FAM124A: variants seen among roughly 807,000 people sequenced by gnomAD.
FAM124A encodes family with sequence similarity 124 member A.
FAM124A carries 23 observed loss-of-function variants against 24.5 expected under a neutral mutation model. The observed-to-expected ratio is 0.94, with a 90% confidence interval of 0.68 to 1.33. The LOEUF (loss-of-function observed/expected upper bound fraction) is 1.33. FAM124A is among the 40% of genes most tolerant of loss of function. The probability of loss-of-function intolerance (pLI) is 0.00; values close to 1 mark genes in which losing one functional copy is unlikely to be tolerated. For synonymous variants in FAM124A, 287 were observed against 314.7 expected (o/e 0.91, Z 0.93); for missense variants, 623 against 722.8 (o/e 0.86, Z 1.58).
chr13:51,259,402 C>CCT (rs142077745), intron 3 of FAM124A, among the ~76,000 whole-genome samples: 6,876 of 152,108 alleles, frequency 0.045, 223 homozygotes, highest in East Asian at 0.16. Context: ...TGACCTCCTG[C>CCT]CTCTCCCCTC....
At chr13:51,242,874 C>G (rs1010497656) in intron 2 of FAM124A, among the ~76,000 whole-genome samples, 1 of 152,010 alleles carries the variant, frequency 6.6e-6, no homozygotes, top group African/African-American at 2.4e-5. Flanking sequence ...AGAGGGCGGT[C>G]GAATAACTGT....
rs995778810 is a variant in FAM124A, at chr13:51,282,535, G to A, written c.*1279G>A. 3 of 152,206 alleles carry A rather than the reference G, an allele frequency of 2.0e-5. No homozygotes were observed. The highest frequency in any genetic ancestry group is 7.2e-5 in the African/African-American group (3 of 41,438). The allele number at this position is 152,206 out of a possible 1,614,324, so 9.4% of individuals were successfully genotyped here. A position where few individuals can be genotyped will look rare whatever the true frequency, so the allele number is the denominator to read the frequency against. ...AGCAATGCCAAAGGCTGGCATCGGG[G>A]GCAGTGCCAAGCTGTCCCTGGATAC... On this transcript the variant is annotated 3_prime_UTR_variant, in exon 4 of 4. Coordinates refer to ENST00000322475, the MANE Select transcript of FAM124A (RefSeq NM_001242312.2).
chr13:51,245,944 C>T (rs1319777346), intron 2 of FAM124A, among the ~76,000 whole-genome samples: 1 of 152,164 alleles, frequency 6.6e-6, no homozygotes, highest in Non-Finnish European at 1.5e-5. Flanking sequence ...AACAAATGCC[C>T]AGGCTAATAG....
At chr13:51,245,710 A>C (rs1954551202) in intron 2 of FAM124A, among the ~76,000 whole-genome samples, 1 of 152,236 alleles carries the variant, frequency 6.6e-6, no homozygotes. Context: ...GCTGTTCTCC[A>C]GGCAAATGGT....
intron 2 of FAM124A, among the ~76,000 whole-genome samples, chr13:51,247,845 C>T (rs575485200): frequency 2.0e-5 from 3 of 152,250 alleles, no homozygotes; most frequent in East Asian, 1.9e-4. Context: ...AAAATTTCAT[C>T]GCAGCTTTAC....
At chr13:51,241,613 A>G (rs1003738930) in intron 2 of FAM124A, among the ~76,000 whole-genome samples, 1 of 152,174 alleles carries the variant, frequency 6.6e-6, no homozygotes. Flanking sequence ...AGTCATGTCC[A>G]GTAAGTTTGT....
intron 2 of FAM124A, among the ~76,000 whole-genome samples, chr13:51,244,933 A>C (rs1954539092): frequency 6.6e-6 from 1 of 152,206 alleles, no homozygotes; most frequent in Admixed American, 6.5e-5. Flanking sequence ...GGGCAGAAAA[A>C]CCAACGCGAT....
At chr13:51,262,169 A>T (rs1381042258) in intron 3 of FAM124A, among the ~76,000 whole-genome samples, 1 of 152,186 alleles carries the variant, frequency 6.6e-6, no homozygotes, top group Non-Finnish European at 1.5e-5. Flanking sequence ...GCAGAGACCA[A>T]ATCCTGTCTG....
In FAM124A at chr13:51,223,601, A is replaced by G. The variant is rs1238453412; in HGVS notation, c.68+1032A>G. On this transcript the variant is annotated intron_variant, in intron 1 of 3. Transcript: ENST00000322475. ...ACGATCGACCCAGAGTTCTAACCCA[A>G]CCCCGGCAAAGCTCCCCACAGGGCC... 2.6e-5 allele frequency among the ~76,000 whole-genome samples: 4 copies of G among 151,532 alleles called. No homozygotes were observed. The East Asian group carries it at 7.8e-4, about 29-fold the overall frequency.
chr13:51,243,125 A>C (rs1294134782), intron 2 of FAM124A, among the ~76,000 whole-genome samples: 2 of 152,188 alleles, frequency 1.3e-5, no homozygotes, highest in Non-Finnish European at 2.9e-5. Flanking sequence ...CACTGCCACC[A>C]CAGGTCATTA....
intron 2 of FAM124A, among the ~76,000 whole-genome samples, chr13:51,237,100 A>G (rs906146919): frequency 6.6e-6 from 1 of 152,218 alleles, no homozygotes; most frequent in African/African-American, 2.4e-5. Context: ...ATTGTCATAA[A>G]GAAAAGTCAC....
intron 1 of FAM124A, among the ~76,000 whole-genome samples, chr13:51,228,674 C>T (rs942882616): frequency 4.6e-5 from 7 of 152,174 alleles, no homozygotes; most frequent in African/African-American, 1.7e-4. Context: ...CCTGGTTATT[C>T]TCTGAAATGG....
Position 51,251,843 on chromosome 13 carries a change from T to A in FAM124A, c.476T>A (p.Leu159His), listed in dbSNP as rs1954626974. 6.2e-7 allele frequency: 1 copy of A among 1,611,476 alleles called. No homozygotes were observed. The highest frequency in any genetic ancestry group is 1.3e-5 in the African/African-American group (1 of 75,000). Residue 159 changes from leucine (L) to histidine (H), a missense_variant, in exon 3 of 4, where the codon CTT becomes CAT. Physicochemically the swap from Leu to His is moderately conservative, Grantham distance 99 (BLOSUM62 -3). Coordinates refer to ENST00000322475, the MANE Select transcript of FAM124A (RefSeq NM_001242312.2). This position sits in a 1 kb window ranked among gnomAD's most constrained non-coding sequence, Gnocchi z 5.3. ...TTCACGCTGGCCCCTGGGACGCCGC[T>A]TTGGGCCATCCGGCCCGTGCACTAC... The part of the protein sequence containing the change: ...DFFTLAPGTP[L>H]WAIRPVHYGK...
intron 3 of FAM124A, among the ~76,000 whole-genome samples, chr13:51,276,171 G>A (rs1263120499): frequency 6.6e-6 from 1 of 152,184 alleles, no homozygotes; most frequent in Non-Finnish European, 1.5e-5. Context: ...GCTTGTTCAG[G>A]TTTGACTTTC....
rs529055009 is a variant in FAM124A at position 51,255,617 on chromosome 13, G to A, written c.834+3416G>A. On this transcript the variant is annotated intron_variant, in intron 3 of 3. Transcript: ENST00000322475. ...ATAGTCCCAGTTCAGAGTCCTGGAAGCAAAGTCCCCCCAGCATCTCACATG... is the reference window on the plus strand; with the variant it reads ...ATAGTCCCAGTTCAGAGTCCTGGAAACAAAGTCCCCCCAGCATCTCACATG... Among the ~76,000 whole-genome samples, 10 of 152,328 alleles carry A rather than the reference G, an allele frequency of 6.6e-5. No individual in the cohort carries two copies. The East Asian group carries it at 1.9e-3, about 29-fold the overall frequency.
chr13:51,236,051 A>T (rs1489872064), intron 2 of FAM124A, among the ~76,000 whole-genome samples: 1 of 152,082 alleles, frequency 6.6e-6, no homozygotes, highest in Non-Finnish European at 1.5e-5. Context: ...AGTAACTCAG[A>T]TAGCCTCCCT....
Position 51,258,189 on chromosome 13 carries a change from A to G in FAM124A, c.834+5988A>G, listed in dbSNP as rs141875202. On this transcript the variant is annotated intron_variant, in intron 3 of 3. Transcript: ENST00000322475. This position sits in a 1 kb window ranked among gnomAD's most constrained non-coding sequence, Gnocchi z 4.2. ...CCCTTTATGTAAGGACACCAGTTCT[A>G]TTGTATTAGGGGCTCACCTTTCTCC... Among the ~76,000 whole-genome samples, 25 of 152,248 alleles carry G rather than the reference A, an allele frequency of 1.6e-4. No individual in the cohort carries two copies. The highest frequency in any genetic ancestry group is 4.8e-4 in the African/African-American group (20 of 41,540).
chr13:51,243,156 C>T (rs1393106866), intron 2 of FAM124A, among the ~76,000 whole-genome samples: 1 of 152,202 alleles, frequency 6.6e-6, no homozygotes, highest in Non-Finnish European at 1.5e-5. Context: ...TGCAACCAGT[C>T]TCGCCACTTT....
At chr13:51,248,210 A>G (rs1108957) in intron 2 of FAM124A, among the ~76,000 whole-genome samples, 127,069 of 152,094 alleles carry the variant, frequency 0.84, 53,383 homozygotes, top group South Asian at 0.9. Context: ...CTTTTCCCAC[A>G]AATCTGCCCT....
Sources: gnomAD v4.1 joint callset for allele counts (sites outside exome capture counted in the v4.1 genomes callset) on GRCh38, gnomAD v4.1.1 for gene constraint, Gnocchi (gnomAD v3.1) non-coding constraint, MANE v1.5 for transcripts, NCBI Gene and HGNC (gene_info 2026-07-23, HGNC 2026-07-21) for gene names.